GET3: variants seen among roughly 807,000 people sequenced by gnomAD.
The protein encoded by GET3 is guided entry of tail-anchored proteins factor 3, ATPase.
Under a neutral mutation model 32.4 loss-of-function variants are expected in GET3, and 15 were observed. That is an observed-to-expected ratio of 0.46 (90% confidence interval 0.31 to 0.71). The LOEUF is 0.71. Ranked by LOEUF, GET3 falls within the 30% of genes least tolerant of loss-of-function variation. The pLI, the probability that GET3 is intolerant of heterozygous loss-of-function variation, is 0.05. For synonymous variants in GET3, 198 were observed against 185.6 expected (o/e 1.07, Z -0.54); for missense variants, 333 against 459.0 (o/e 0.73, Z 2.51).
At chr19:12,742,811 C>T (rs1967694791) in intron 2 of GET3, among the ~76,000 whole-genome samples, 1 of 151,924 alleles carries the variant, frequency 6.6e-6, no homozygotes, top group South Asian at 2.1e-4. Context: ...CTTCCTAATA[C>T]ACTGGGATTA....
intron 2 of GET3, among the ~76,000 whole-genome samples, chr19:12,743,732 T>TC (rs1276873121): frequency 9.6e-6 from 1 of 104,164 alleles, no homozygotes; most frequent in East Asian, 3.3e-4. Context: ...CTTTTTTTTT[T>TC]TTTTTTTTTT....
rs1802251 is a variant in GET3, at chr19:12,748,284, C to A, written c.*180C>A. 9 of 533,754 alleles carry A rather than the reference C, an allele frequency of 1.7e-5. No individual in the cohort carries two copies. The highest frequency in any genetic ancestry group is 1.1e-4 in the African/African-American group (6 of 52,212). 33.1% of individuals were successfully genotyped at this position (533,754 alleles called of 1,614,324 possible). On this transcript the variant is annotated 3_prime_UTR_variant, in exon 7 of 7. Transcript: ENST00000357332. ...GGGGAGCTGTAGTTGCCCCCTACCT[C>A]TCCCACCTCTTGCTCTTCAATAAAA...
Position 12,747,728 on chromosome 19 carries a change from A to G in GET3, c.915+136A>G. On this transcript the variant is annotated intron_variant, in intron 6 of 6. Coordinates refer to ENST00000357332, the MANE Select transcript of GET3 (RefSeq NM_004317.4). This position sits in a 1 kb window ranked among gnomAD's most constrained non-coding sequence, Gnocchi z 4.0. ...CCCACATTTCAGATCCTTCACCCTT[A>G]TTCCGGCCATAGAGGACTGTGGCTG... 1 of 1,249,536 alleles carries G rather than the reference A, an allele frequency of 8.0e-7. No individual in the cohort carries two copies. Among genetic ancestry groups the G allele is most frequent in the Middle Eastern group, 2.5e-4 (1 of 4,078 alleles). The allele number at this position is 1,249,536 out of a possible 1,614,324, so 77.4% of individuals were successfully genotyped here. A position where few individuals can be genotyped will look rare whatever the true frequency, so the allele number is the denominator to read the frequency against.
chr19:12,745,402 C>G lies in GET3; in HGVS notation c.335C>G (p.Ala112Gly), dbSNP rs144446697. ...AMEIDPSLGV[A>G]ELPDEFFEED... is the part of the protein sequence containing the mutation. ...GAGATTGACCCCAGCCTGGGCGTGG[C>G]GGAGCTGCCTGACGAGTTCTTCGAG... The change falls in exon 3 of 7, where the codon GCG (alanine) becomes GGG (glycine). Residue 112 changes from alanine to glycine, a missense_variant. Ala to Gly is a moderately conservative substitution (Grantham distance 60, BLOSUM62 0). Coordinates refer to ENST00000357332, the MANE Select transcript of GET3 (RefSeq NM_004317.4). This position sits in a 1 kb window ranked among gnomAD's most constrained non-coding sequence, Gnocchi z 5.0. 3.2e-5 allele frequency: 51 copies of G among 1,611,578 alleles called. No individual in the cohort carries two copies. In the African/African-American group the frequency reaches 6.4e-4, roughly 20 times the overall value.
intron 2 of GET3, among the ~76,000 whole-genome samples, chr19:12,740,652 G>C (rs1452033936): frequency 6.6e-6 from 1 of 152,168 alleles, no homozygotes; most frequent in Non-Finnish European, 1.5e-5. Context: ...TTTACAGCCT[G>C]AACAACGGAG....
intron 2 of GET3, among the ~76,000 whole-genome samples, chr19:12,744,119 G>A (rs1024977852): frequency 6.7e-6 from 1 of 149,710 alleles, no homozygotes; most frequent in South Asian, 2.1e-4. Context: ...GGGAGGCTGA[G>A]GCAGGAGAAT....
At position 12,748,029 on chromosome 19, in the gene GET3, G is replaced by C. The variant is rs1409743049; in HGVS notation, c.972G>C (p.Glu324Asp). 6.2e-7 allele frequency: 1 copy of C among 1,612,238 alleles called. No individual in the cohort carries two copies. The highest frequency in any genetic ancestry group is 8.5e-7 in the Non-Finnish European group (1 of 1,178,704). The change falls in exon 7 of 7, where the codon GAG becomes GAC. Residue 324 changes from glutamate to aspartate, a missense_variant. Around this residue, in one of 3 missense-constraint regions of GET3, gnomAD observed 39 missense variants for 33.0 expected, o/e 1.18. Coordinates refer to ENST00000357332, the MANE Select transcript of GET3 (RefSeq NM_004317.4). ...TGAAGCTGCCGCTGTTACCCCATGA[G>C]GTGCGGGGGGCAGACAAGGTCAACA... ...HIVKLPLLPH[E>D]VRGADKVNTF...
chr19:12,746,242 C>T (rs1444311594), intron 4 of GET3, among the ~76,000 whole-genome samples: 1 of 152,174 alleles, frequency 6.6e-6, no homozygotes, highest in Admixed American at 6.5e-5. Flanking sequence ...AAGTGATTCT[C>T]GTGCCTCTAC....
rs1341825410 is a variant in GET3, at chr19:12,745,308, C to T, written c.310-69C>T. ...GCCCGGGTAGGAAGGCTCCCCCTGG[C>T]CCTGTGCCCAGGTGGGAAGGCTCCC... is the stretch of plus-strand genomic sequence containing the variant. On this transcript the variant is annotated intron_variant, in intron 2 of 6. Coordinates refer to ENST00000357332, the MANE Select transcript of GET3 (RefSeq NM_004317.4). The surrounding 1 kb of genome is among the most constrained non-coding windows in gnomAD (Gnocchi z 5.0). 9 of 1,566,804 alleles carry T rather than the reference C, an allele frequency of 5.7e-6. No individual in the cohort carries two copies. The highest frequency in any genetic ancestry group is 1.7e-4 in the Middle Eastern group (1 of 5,742).
chr19:12,741,963 G>A (rs947360837), intron 2 of GET3, among the ~76,000 whole-genome samples: 2 of 152,064 alleles, frequency 1.3e-5, no homozygotes, highest in African/African-American at 2.4e-5. Flanking sequence ...AGGAGTGTTC[G>A]GCCCTCAAGT....
At position 12,745,273 on chromosome 19, in the gene GET3, C is replaced by G; in HGVS notation, c.310-104C>G. On this transcript the variant is annotated intron_variant, in intron 2 of 6. Coordinates refer to ENST00000357332, the MANE Select transcript of GET3 (RefSeq NM_004317.4). The surrounding 1 kb of genome is among the most constrained non-coding windows in gnomAD (Gnocchi z 5.0). ...GGTCACAGCCCACCACAGGCTCCCT[C>G]TGGCCCTGTGCCCGGGTAGGAAGGC... 1 of 1,409,062 alleles carries G rather than the reference C, an allele frequency of 7.1e-7. No homozygotes were observed. The highest frequency in any genetic ancestry group is 9.7e-7 in the Non-Finnish European group (1 of 1,032,334). The allele number at this position is 1,409,062 out of a possible 1,614,324, so 87.3% of individuals were successfully genotyped here. A position where few individuals can be genotyped will look rare whatever the true frequency, so the allele number is the denominator to read the frequency against.
Position 12,745,314 on chromosome 19 carries a change from G to T in GET3, c.310-63G>T, listed in dbSNP as rs1248749460. Reference sequence around the variant, plus strand: ...GTAGGAAGGCTCCCCCTGGCCCTGTGCCCAGGTGGGAAGGCTCCCCCAGCA... The same window carrying T: ...GTAGGAAGGCTCCCCCTGGCCCTGTTCCCAGGTGGGAAGGCTCCCCCAGCA... On this transcript the variant is annotated intron_variant, in intron 2 of 6. Coordinates refer to ENST00000357332, the MANE Select transcript of GET3 (RefSeq NM_004317.4). This position sits in a 1 kb window ranked among gnomAD's most constrained non-coding sequence, Gnocchi z 5.0. 1.9e-6 allele frequency: 3 copies of T among 1,580,058 alleles called. No homozygotes were observed. The highest frequency in any genetic ancestry group is 2.6e-6 in the Non-Finnish European group (3 of 1,167,206).
At position 12,747,009 on chromosome 19, in the gene GET3, CAAAAA is replaced by C. The variant is rs764695800; in HGVS notation, c.610-176_610-172del. On this transcript the variant is annotated intron_variant, in intron 4 of 6. Transcript: ENST00000357332. The surrounding 1 kb of genome is among the most constrained non-coding windows in gnomAD (Gnocchi z 4.0). ...TGGGCAACAGAGTGAGACTCCATTT[CAAAAA>C]AAAAAAAAAAAGAAAGAAAGAAATG... 2.8e-5 allele frequency among the ~76,000 whole-genome samples: 3 copies of C among 108,618 alleles called. No homozygotes were observed. The highest frequency in any genetic ancestry group is 1.9e-4 in the Admixed American group (2 of 10,630). The allele number at this position is 108,618 out of a possible 152,430, so 71.3% of individuals were successfully genotyped here. A position where few individuals can be genotyped will look rare whatever the true frequency, so the allele number is the denominator to read the frequency against.
chr19:12,745,846 A>G lies in GET3; in HGVS notation c.609+87A>G. 1 of 1,470,270 alleles carries G rather than the reference A, an allele frequency of 6.8e-7. No individual in the cohort carries two copies. The highest frequency in any genetic ancestry group is 9.1e-7 in the Non-Finnish European group (1 of 1,100,734). The allele number at this position is 1,470,270 out of a possible 1,614,324, so 91.1% of individuals were successfully genotyped here. A position where few individuals can be genotyped will look rare whatever the true frequency, so the allele number is the denominator to read the frequency against. The stretch of plus-strand genomic sequence containing the variant: ...CCCCCAGACCCTCAAATGCGCACTA[A>G]CAATTCCCTTTCCTTCCCACCCCTT... On this transcript the variant is annotated intron_variant, in intron 4 of 6. Coordinates refer to ENST00000357332, the MANE Select transcript of GET3 (RefSeq NM_004317.4). The surrounding 1 kb of genome is among the most constrained non-coding windows in gnomAD (Gnocchi z 5.0).
intron 1 of GET3, among the ~76,000 whole-genome samples, chr19:12,738,283 C>T (rs1266522464): frequency 6.6e-6 from 1 of 152,186 alleles, no homozygotes; most frequent in African/African-American, 2.4e-5. Flanking sequence ...CAGACAGACT[C>T]AGTCAGCTGA....
chr19:12,739,189 A>T (rs1599447097), intron 2 of GET3, among the ~76,000 whole-genome samples: 1 of 150,236 alleles, frequency 6.7e-6, no homozygotes, highest in East Asian at 1.9e-4. Flanking sequence ...TTTTTTAGAC[A>T]CTCAAGACTC....
rs1967786491 is a variant in GET3 at position 12,747,092 on chromosome 19, T to C, written c.610-105T>C. The C allele has an allele frequency of 1.2e-6, 1 of 848,940 alleles. No homozygotes were observed. Among genetic ancestry groups the C allele is most frequent in the Non-Finnish European group, 1.8e-6 (1 of 541,312 alleles). The allele number at this position is 848,940 out of a possible 1,614,324, so 52.6% of individuals were successfully genotyped here. A position where few individuals can be genotyped will look rare whatever the true frequency, so the allele number is the denominator to read the frequency against. On this transcript the variant is annotated intron_variant, in intron 4 of 6. Coordinates refer to ENST00000357332, the MANE Select transcript of GET3 (RefSeq NM_004317.4). The surrounding 1 kb of genome is among the most constrained non-coding windows in gnomAD (Gnocchi z 4.0). Reference sequence around the variant, plus strand: ...GAATCTGCTTATGGGCCTGAGCCTTTAACCACTGGGAGGTATCAGGAGTCA... The same window carrying C: ...GAATCTGCTTATGGGCCTGAGCCTTCAACCACTGGGAGGTATCAGGAGTCA...
At chr19:12,737,977 G>A (rs1469533165) in intron 1 of GET3, among the ~76,000 whole-genome samples, 1 of 152,112 alleles carries the variant, frequency 6.6e-6, no homozygotes, top group Non-Finnish European at 1.5e-5. Context: ...TGTGGGTGAG[G>A]GCGGCACCAG....
At chr19:12,744,809 G>A (rs1227393670) in intron 2 of GET3, among the ~76,000 whole-genome samples, 1 of 152,050 alleles carries the variant, frequency 6.6e-6, no homozygotes, top group Non-Finnish European at 1.5e-5. Context: ...TTTTCAGATA[G>A]GTCTTGCTAT....
Sources: allele counts gnomAD v4.1 joint callset (sites outside exome capture counted in the v4.1 genomes callset), GRCh38; gene constraint gnomAD v4.1.1; regional missense constraint gnomAD v4.1.1; non-coding constraint Gnocchi (gnomAD v3.1); transcripts MANE v1.5; gene names NCBI Gene and HGNC (gene_info 2026-07-23, HGNC 2026-07-21).